Variants in LINGO2 observed in about 807,000 individuals in gnomAD.
The protein encoded by LINGO2 is leucine-rich repeat and immunoglobulin-like domain-containing nogo receptor-interacting protein 2.
A neutral mutation model predicts 30.6 loss-of-function variants in LINGO2; 14 were observed. The observed-to-expected ratio is 0.46, with a 90% CI of 0.30 to 0.72. The LOEUF is 0.72. Ranked by LOEUF, LINGO2 falls within the 30% of genes least tolerant of loss-of-function variation. The pLI, the probability that LINGO2 is intolerant of heterozygous loss-of-function variation, is 0.07. For synonymous variants in LINGO2, 317 were observed against 288.5 expected, an observed-to-expected ratio of 1.10 and a Z score of -1.00; for missense variants, 729 against 751.7, an observed-to-expected ratio of 0.97 and a Z score of 0.35.
intron 4 of LINGO2, among the ~76,000 whole-genome samples, chr9:28,017,067 TAAACAGAGCTAA>T (rs1315248312): frequency 4.6e-5 from 7 of 152,134 alleles, no homozygotes; most frequent in Non-Finnish European, 7.4e-5. Context: ...ATTCACCACA[TAAACAGAGCTAA>T]AAACAAAAAC....
chr9:28,558,976 G>T (rs1484121217), intron 1 of LINGO2, among the ~76,000 whole-genome samples: 1 of 151,972 alleles, frequency 6.6e-6, no homozygotes, highest in African/African-American at 2.4e-5. Flanking sequence ...TAGTATATTT[G>T]CCAAATCTCT....
chr9:29,002,368 T>C, the LINGO2 span, among the ~76,000 whole-genome samples: 4 of 152,002 alleles, frequency 2.6e-5, no homozygotes, highest in Non-Finnish European at 4.4e-5. Context: ...ACAGAGGTAA[T>C]TTGACATATG....
At chr9:28,835,326 A>G in the LINGO2 span, among the ~76,000 whole-genome samples, 1 of 152,224 alleles carries the variant, frequency 6.6e-6, no homozygotes, top group African/African-American at 2.4e-5. Context: ...GATATTAAGT[A>G]GAAATTAATA....
At chr9:28,591,075 G>A (rs974875464) in intron 1 of LINGO2, among the ~76,000 whole-genome samples, 10 of 151,364 alleles carry the variant, frequency 6.6e-5, no homozygotes, top group Non-Finnish European at 5.9e-5. Context: ...ACCAAACACC[G>A]CATGTTCTCA....
intron 5 of LINGO2, among the ~76,000 whole-genome samples, chr9:27,953,399 T>C (rs1819412027): frequency 6.6e-6 from 1 of 152,200 alleles, no homozygotes; most frequent in Non-Finnish European, 1.5e-5. Flanking sequence ...ATATAAGTTA[T>C]AAAGCAGCCA....
At chr9:29,019,983 C>T in the LINGO2 span, among the ~76,000 whole-genome samples, 1 of 151,984 alleles carries the variant, frequency 6.6e-6, no homozygotes, top group Non-Finnish European at 1.5e-5. Context: ...ATTTCAGCAA[C>T]CTATATAAAA....
the LINGO2 span, among the ~76,000 whole-genome samples, chr9:28,902,549 T>A: frequency 6.6e-6 from 1 of 152,132 alleles, no homozygotes; most frequent in South Asian, 2.1e-4. Flanking sequence ...AACAGGTGTA[T>A]AGAGAGCATT....
At chr9:28,036,833 G>A (rs1168897583) in intron 4 of LINGO2, among the ~76,000 whole-genome samples, 1 of 152,204 alleles carries the variant, frequency 6.6e-6, no homozygotes, top group African/African-American at 2.4e-5. Flanking sequence ...AGAAGCAGGA[G>A]AAGCCAGACT....
the LINGO2 span, among the ~76,000 whole-genome samples, chr9:29,061,576 A>G: frequency 1.3e-5 from 2 of 152,012 alleles, no homozygotes; most frequent in Non-Finnish European, 2.9e-5. Flanking sequence ...AAGACTATTC[A>G]ATGGGGAGAA....
the LINGO2 span, among the ~76,000 whole-genome samples, chr9:28,813,586 A>G: frequency 6.6e-6 from 1 of 152,184 alleles, no homozygotes; most frequent in Admixed American, 6.5e-5. Context: ...AACATCTACT[A>G]TGTTGGCAAG....
chr9:28,671,513 CAAAAA>C (rs11286682), upstream of LINGO2, among the ~76,000 whole-genome samples: 2 of 105,666 alleles, frequency 1.9e-5, no homozygotes, highest in African/African-American at 3.8e-5. Context: ...TTATCTTAAG[CAAAAA>C]AAAAAAAAAA....
At chr9:28,979,071 T>C in the LINGO2 span, among the ~76,000 whole-genome samples, 1 of 152,136 alleles carries the variant, frequency 6.6e-6, no homozygotes, top group African/African-American at 2.4e-5. Context: ...CCCTGCTGTC[T>C]GCTCTTTTGT....
At chr9:28,236,662 T>A (rs1821576694) in intron 4 of LINGO2, among the ~76,000 whole-genome samples, 1 of 152,156 alleles carries the variant, frequency 6.6e-6, no homozygotes, top group African/African-American at 2.4e-5. Context: ...TCTCACTTGT[T>A]TGTGAGATCT....
the LINGO2 span, among the ~76,000 whole-genome samples, chr9:28,921,272 C>T: frequency 6.6e-6 from 1 of 152,074 alleles, no homozygotes; most frequent in African/African-American, 2.4e-5. Context: ...TCATATTTCA[C>T]CTGTAAATGT....
At chr9:27,953,843 T>C (rs1320874391) in intron 5 of LINGO2, among the ~76,000 whole-genome samples, 2 of 152,152 alleles carry the variant, frequency 1.3e-5, no homozygotes, top group East Asian at 3.9e-4. Flanking sequence ...AAATGATATA[T>C]GCTGTACTCA....
At chr9:28,582,993 TC>T (rs1312154453) in intron 1 of LINGO2, among the ~76,000 whole-genome samples, 2 of 152,014 alleles carry the variant, frequency 1.3e-5, no homozygotes, top group African/African-American at 4.8e-5. Context: ...ACAGTATAAT[TC>T]TGTGATAAAT....
At chr9:28,704,993 T>G in the LINGO2 span, among the ~76,000 whole-genome samples, 3 of 152,102 alleles carry the variant, frequency 2.0e-5, 1 homozygote, top group Non-Finnish European at 2.9e-5. Flanking sequence ...CTCAGATCAC[T>G]GCAATCTCTG....
At chr9:28,599,981 T>C (rs879090493) in intron 1 of LINGO2, among the ~76,000 whole-genome samples, 1 of 152,164 alleles carries the variant, frequency 6.6e-6, no homozygotes, top group Middle Eastern at 3.2e-3. Flanking sequence ...ACTGTACTCA[T>C]TTATTTACAA....
chr9:28,261,063 C>T (rs1305775032), intron 4 of LINGO2, among the ~76,000 whole-genome samples: 2 of 151,904 alleles, frequency 1.3e-5, no homozygotes, highest in East Asian at 1.9e-4. Flanking sequence ...TCCTTAATTG[C>T]CATTATTTTT....
Sources: allele counts gnomAD v4.1 joint callset (sites outside exome capture counted in the v4.1 genomes callset), GRCh38; gene constraint gnomAD v4.1.1; transcripts MANE v1.5; gene names NCBI Gene and HGNC (gene_info 2026-07-23, HGNC 2026-07-21).